CYYR1: variants seen among roughly 807,000 people sequenced by gnomAD.
The protein encoded by CYYR1 is cysteine and tyrosine-rich protein 1.
In CYYR1, 14 loss-of-function variants were observed where a neutral mutation model predicts 15.2. The observed-to-expected ratio is 0.92, with a 90% CI of 0.61 to 1.44. CYYR1 has a LOEUF of 1.44. CYYR1 is among the 40% of genes most tolerant of loss of function. CYYR1 has a pLI of 0.00. For synonymous variants in CYYR1, 80 were observed against 77.4 expected, an observed-to-expected ratio of 1.03 and a Z score of -0.18; for missense variants, 228 against 209.5, an observed-to-expected ratio of 1.09 and a Z score of -0.54.
intron 2 of CYYR1, among the ~76,000 whole-genome samples, chr21:26,520,431 A>G (rs1013081664): frequency 7.2e-5 from 11 of 152,056 alleles, no homozygotes; most frequent in Non-Finnish European, 4.4e-5. Context: ...ATGGCTGCAT[A>G]GTATTCCATG....
rs964800873 is a variant in CYYR1, at chr21:26,551,769, A to C, written c.176+14497T>G. 81 of 247,624 alleles carry C rather than the reference A, an allele frequency of 3.3e-4. 1 individual carries two copies. Among genetic ancestry groups the C allele is most frequent in the Non-Finnish European group, 3.1e-4 (38 of 123,622 alleles). 15.3% of individuals were successfully genotyped at this position (247,624 alleles called of 1,614,324 possible). ...TATTCCTGGTGAAAATGCTGTGAAC[A>C]CTGTGGAAATGACAACAAAGGATTT... is the stretch of plus-strand genomic sequence containing the variant. On this transcript the variant is annotated intron_variant, in intron 2 of 3. Transcript: ENST00000652641.
At chr21:26,546,637 T>C (rs772646790) in intron 2 of CYYR1, among the ~76,000 whole-genome samples, 2 of 152,134 alleles carry the variant, frequency 1.3e-5, no homozygotes, top group Non-Finnish European at 2.9e-5. Context: ...GGAGAGGAAA[T>C]TGAAGTAGAA....
intron 2 of CYYR1, among the ~76,000 whole-genome samples, chr21:26,528,358 G>A (rs2065890737): frequency 6.6e-6 from 1 of 152,154 alleles, no homozygotes; most frequent in African/African-American, 2.4e-5. Flanking sequence ...AGGTCATGGA[G>A]CAGGTCCCTC....
chr21:26,539,133 G>A (rs222947), intron 2 of CYYR1, among the ~76,000 whole-genome samples: 102,178 of 151,976 alleles, frequency 0.67, 34,547 homozygotes, highest in East Asian at 0.81. Context: ...CAGAAATGCT[G>A]ACTTTCAGAA....
intron 2 of CYYR1, among the ~76,000 whole-genome samples, chr21:26,488,240 A>ACTTACTTACTTCCTTCCTTCCTTC (rs1555904365): frequency 7.2e-6 from 1 of 139,320 alleles, no homozygotes; most frequent in Non-Finnish European, 1.5e-5. Flanking sequence ...ATCTTCCCCT[A>ACTTACTTACTTCCTTCCTTCCTTC]CTTCCTTCCT....
chr21:26,508,452 AAG>A (rs1473391191), intron 2 of CYYR1, among the ~76,000 whole-genome samples: 1 of 152,170 alleles, frequency 6.6e-6, no homozygotes, highest in Non-Finnish European at 1.5e-5. Flanking sequence ...GGGTAGGTAA[AAG>A]AAAAAACTTT....
At chr21:26,532,587 A>G (rs1284134124) in intron 2 of CYYR1, among the ~76,000 whole-genome samples, 1 of 152,180 alleles carries the variant, frequency 6.6e-6, no homozygotes, top group Non-Finnish European at 1.5e-5. Context: ...GTGGAAATGG[A>G]AAGGCTGCCA....
chr21:26,572,824 C>T, intron 1 of CYYR1, 44 bp downstream of exon 1: 3 of 1,607,756 alleles, frequency 1.9e-6, no homozygotes, highest in Non-Finnish European at 2.5e-6. Context: ...GACCCAAGGG[C>T]AGCCCCGAGC....
At chr21:26,505,945 C>T (rs1001873503) in intron 2 of CYYR1, among the ~76,000 whole-genome samples, 2 of 152,090 alleles carry the variant, frequency 1.3e-5, no homozygotes, top group African/African-American at 4.8e-5. Context: ...TTTGTTAATC[C>T]TTTATTGAGA....
At chr21:26,525,852 G>T (rs1324833138) in intron 2 of CYYR1, among the ~76,000 whole-genome samples, 1 of 152,128 alleles carries the variant, frequency 6.6e-6, no homozygotes, top group Non-Finnish European at 1.5e-5. Context: ...GATAGTTACA[G>T]GCAGTTCCTA....
At chr21:26,555,655 T>C (rs1979721802) in intron 2 of CYYR1, among the ~76,000 whole-genome samples, 1 of 152,174 alleles carries the variant, frequency 6.6e-6, no homozygotes, top group Admixed American at 6.5e-5. Flanking sequence ...ATCGGCTAAA[T>C]AGCTGAGGCT....
chr21:26,561,406 A>G (rs1161119396), intron 2 of CYYR1, among the ~76,000 whole-genome samples: 1 of 152,120 alleles, frequency 6.6e-6, no homozygotes, highest in Non-Finnish European at 1.5e-5. Flanking sequence ...CAGAACACTA[A>G]GATACTTAAT....
chr21:26,476,807 G>T (rs562472632), intron 3 of CYYR1, among the ~76,000 whole-genome samples: 1 of 152,072 alleles, frequency 6.6e-6, no homozygotes, highest in East Asian at 1.9e-4. Context: ...TCTTTCAGAT[G>T]TGTATATCCC....
chr21:26,537,992 G>A (rs902131407), intron 2 of CYYR1, among the ~76,000 whole-genome samples: 6 of 152,122 alleles, frequency 3.9e-5, no homozygotes, highest in Non-Finnish European at 7.4e-5. Flanking sequence ...TCTATCATTC[G>A]TAAGCAATCA....
intron 2 of CYYR1, among the ~76,000 whole-genome samples, chr21:26,520,484 G>A (rs1315135630): frequency 6.6e-6 from 1 of 152,068 alleles, no homozygotes; most frequent in Admixed American, 6.5e-5. Context: ...TATCGTTGAT[G>A]GGCATTTGGG....
intron 2 of CYYR1, among the ~76,000 whole-genome samples, chr21:26,557,048 C>A (rs1460189576): frequency 1.3e-5 from 2 of 152,100 alleles, no homozygotes; most frequent in African/African-American, 4.8e-5. Context: ...ATTTTAAATG[C>A]CAGCCCTTTA....
At chr21:26,503,738 T>C (rs183013474) in intron 2 of CYYR1, 2 of 152,296 alleles carry the variant, frequency 1.3e-5, no homozygotes, top group Admixed American at 1.3e-4. Context: ...AAAACACTTA[T>C]CTGGATATTA....
intron 3 of CYYR1, among the ~76,000 whole-genome samples, chr21:26,474,208 C>T (rs1170901305): frequency 6.6e-6 from 1 of 151,684 alleles, no homozygotes; most frequent in African/African-American, 2.4e-5. Flanking sequence ...GCGCCTGCCA[C>T]CATACCTGGC....
At chr21:26,482,582 C>T (rs1223189295) in intron 2 of CYYR1, 1 of 898,682 alleles carries the variant, frequency 1.1e-6, no homozygotes. Context: ...TCCTGAATGG[C>T]TTCTTAAAAA....
Sources: allele counts gnomAD v4.1 joint callset (sites outside exome capture counted in the v4.1 genomes callset), GRCh38; gene constraint gnomAD v4.1.1; transcripts MANE v1.5; gene names NCBI Gene and HGNC (gene_info 2026-07-23, HGNC 2026-07-21).